FIGN: variants seen among roughly 807,000 people sequenced by gnomAD.
FIGN encodes the protein fidgetin, microtubule severing factor, also known as fidgetin.
In FIGN, 11 loss-of-function variants were observed where a neutral mutation model predicts 51.3. The observed-to-expected ratio is 0.21, with a 90% CI of 0.13 to 0.35. The LOEUF (loss-of-function observed/expected upper bound fraction) is 0.35, where lower values mean the gene tolerates loss of function less well. Among genes scored for constraint, FIGN ranks in the 10% least tolerant of loss-of-function variants. The pLI is 1.00. For missense variants in FIGN, 857 were observed against 943.6 expected, an observed-to-expected ratio of 0.91 and a Z score of 1.20; for synonymous variants, 407 against 363.2, an observed-to-expected ratio of 1.12 and a Z score of -1.37.
chr2:163,684,728 A>T (rs2105341256), intron 2 of FIGN, among the ~76,000 whole-genome samples: 1 of 152,274 alleles, frequency 6.6e-6, no homozygotes, highest in East Asian at 1.9e-4. Flanking sequence ...TACTTTTATT[A>T]GAGCTATGAA....
intron 2 of FIGN, among the ~76,000 whole-genome samples, chr2:163,678,398 T>C (rs1427863693): frequency 6.6e-6 from 1 of 152,074 alleles, no homozygotes; most frequent in Non-Finnish European, 1.5e-5. Context: ...TTTTTGTATT[T>C]TTAGTAGAGA....
chr2:163,640,588 A>G (rs1056287996), intron 2 of FIGN, among the ~76,000 whole-genome samples: 2 of 152,348 alleles, frequency 1.3e-5, no homozygotes, highest in Admixed American at 1.3e-4. Context: ...TCATTTGTCT[A>G]GAAGCAGAGT....
chr2:163,667,679 T>C (rs1282789892), intron 2 of FIGN, among the ~76,000 whole-genome samples: 1 of 152,208 alleles, frequency 6.6e-6, no homozygotes, highest in Non-Finnish European at 1.5e-5. Flanking sequence ...AATAATTCAT[T>C]CCTCTACTGG....
At position 163,609,842 on chromosome 2, in the gene FIGN, G is replaced by A. The variant is rs752320617; in HGVS notation, c.1990C>T (p.Gln664Ter). ...DSTARHQIIV[Q>*]LLSQHNYCLN... ...CAGTAATTGTGCTGTGAGAGCAGTT[G>A]TACTATTATCTGGTGCCTCGCTGTG... The change falls in exon 3 of 3, where the codon CAA (glutamine) becomes TAA (stop). Residue 664 changes from glutamine to a stop codon, truncating the protein, a stop_gained. Transcript: ENST00000333129. LOFTEE classifies it high-confidence loss of function. The A allele has an allele frequency of 6.2e-7, 1 of 1,614,154 alleles. No homozygotes were observed. Among genetic ancestry groups the A allele is most frequent in the African/African-American group, 1.3e-5 (1 of 75,046 alleles).
intron 2 of FIGN, among the ~76,000 whole-genome samples, chr2:163,679,620 G>A (rs1473124219): frequency 6.6e-6 from 1 of 152,178 alleles, no homozygotes; most frequent in African/African-American, 2.4e-5. Flanking sequence ...TATAATAGTT[G>A]GATTTCTTAA....
At chr2:163,620,384 G>A in intron 2 of FIGN, among the ~76,000 whole-genome samples, 1 of 152,088 alleles carries the variant, frequency 6.6e-6, no homozygotes, top group East Asian at 1.9e-4. Flanking sequence ...AGGGACTGCA[G>A]TGGCTAATGA....
chr2:163,669,137 A>T (rs1573939174), intron 2 of FIGN, among the ~76,000 whole-genome samples: 1 of 151,874 alleles, frequency 6.6e-6, no homozygotes, highest in African/African-American at 2.4e-5. Flanking sequence ...ACTGAAAAAA[A>T]GTTGGCCCCC....
intron 2 of FIGN, among the ~76,000 whole-genome samples, chr2:163,674,102 C>T (rs992256566): frequency 5.9e-5 from 9 of 152,294 alleles, no homozygotes; most frequent in Non-Finnish European, 1.0e-4. Flanking sequence ...TCTCACTTCT[C>T]TCTCAGTACT....
chr2:163,668,738 A>C (rs1485618474), intron 2 of FIGN, among the ~76,000 whole-genome samples: 1 of 152,054 alleles, frequency 6.6e-6, no homozygotes, highest in Non-Finnish European at 1.5e-5. Context: ...CAGGAGATTG[A>C]GACCATCCTG....
At chr2:163,631,620 G>A (rs970856265) in intron 2 of FIGN, among the ~76,000 whole-genome samples, 8 of 151,520 alleles carry the variant, frequency 5.3e-5, no homozygotes, top group African/African-American at 9.7e-5. Flanking sequence ...ACCATTTTCC[G>A]TATCACTTTG....
In FIGN at chr2:163,611,176, A is replaced by G. The variant is rs1691247846; in HGVS notation, c.656T>C (p.Leu219Pro). 6.2e-7 allele frequency: 1 copy of G among 1,614,118 alleles called. No homozygotes were observed. Among genetic ancestry groups the G allele is most frequent in the Non-Finnish European group, 8.5e-7 (1 of 1,180,014 alleles). Residue 219 changes from leucine (L) to proline (P), a missense_variant, in exon 3 of 3, where the codon CTA (leucine) becomes CCA (proline). This residue lies in a region of FIGN where 799 missense variants were observed against 849.5 expected (regional missense o/e 0.94). Coordinates refer to ENST00000333129, the MANE Select transcript of FIGN (RefSeq NM_018086.4). ...AGGAGGTGGTGGTGGGGGCTGTAGT[A>G]GCCCAGAGCTATGCAAAGGAGACGG... The part of the protein sequence containing the change: ...PHPSPLHSSG[L>P]LQPPPPPPPP...
Position 163,676,464 on chromosome 2 carries a change from TATATATATATATATATATAA to T in FIGN, c.25+58419_25+58438del, listed in dbSNP as rs1435902950. ...ATATATATATATATATATATATATA[TATATATATATATATATATAA>T]CTAGAGTCTGTGCACCCGAATCTGA... On this transcript the variant is annotated intron_variant, in intron 2 of 2. Transcript: ENST00000333129. Among the ~76,000 whole-genome samples, 144 of 104,794 alleles carry T rather than the reference TATATATATATATATATATAA, an allele frequency of 1.4e-3. 3 individuals are homozygous for T. In the Middle Eastern group the frequency reaches 0.024, roughly 17 times the overall value. The allele number at this position is 104,794 out of a possible 152,430, so 68.7% of individuals were successfully genotyped here.
chr2:163,643,856 C>T lies in FIGN; in HGVS notation c.26-32050G>A, dbSNP rs942753342. Among the ~76,000 whole-genome samples, 12 of 134,918 alleles carry T rather than the reference C, an allele frequency of 8.9e-5. 1 individual carries two copies. Among genetic ancestry groups the T allele is most frequent in the South Asian group, 7.3e-4 (3 of 4,092 alleles). 88.5% of individuals were successfully genotyped at this position (134,918 alleles called of 152,430 possible). A position where few individuals can be genotyped will look rare whatever the true frequency, so the allele number is the denominator to read the frequency against. ...CTGAGGCAGGACAATCGCTTGAAGC[C>T]GGGAGGCAGAGGTTGCAGTGAGCTG... On this transcript the variant is annotated intron_variant, in intron 2 of 2. Coordinates refer to ENST00000333129, the MANE Select transcript of FIGN (RefSeq NM_018086.4).
chr2:163,727,932 A>G (rs1455879031), intron 2 of FIGN, among the ~76,000 whole-genome samples: 1 of 152,216 alleles, frequency 6.6e-6, no homozygotes, highest in Non-Finnish European at 1.5e-5. Context: ...TCAGCACAGA[A>G]CGTTGGTAAA....
intron 2 of FIGN, among the ~76,000 whole-genome samples, chr2:163,618,982 A>G (rs1158435609): frequency 1.3e-5 from 2 of 152,150 alleles, no homozygotes; most frequent in Non-Finnish European, 2.9e-5. Context: ...GTGGGAAATA[A>G]TTGATAACTT....
chr2:163,610,714 G>A lies in FIGN; in HGVS notation c.1118C>T (p.Ser373Phe), dbSNP rs1054122780. The A allele has an allele frequency of 1.2e-6, 2 of 1,614,178 alleles. No homozygotes were observed. The highest frequency in any genetic ancestry group is 2.7e-5 in the African/African-American group (2 of 75,056). ...NGFDRSAETS[S>F]LAFKPTKQLM... ...CTGCTTCGTTGGCTTAAATGCTAAG[G>A]ATGATGTTTCAGCACTTCTGTCAAA... is the stretch of plus-strand genomic sequence containing the variant. Residue 373 changes from serine (S) to phenylalanine (F), a missense_variant, in exon 3 of 3, where the codon TCC (serine) becomes TTC (phenylalanine). Ser to Phe is a radical substitution (Grantham distance 155). Around this residue, in one of 3 missense-constraint regions of FIGN, gnomAD observed 799 missense variants for 849.5 expected, o/e 0.94. Transcript: ENST00000333129.
At chr2:163,661,186 A>AT (rs912881782) in intron 2 of FIGN, among the ~76,000 whole-genome samples, 12 of 150,298 alleles carry the variant, frequency 8.0e-5, no homozygotes, top group East Asian at 5.9e-4. Flanking sequence ...GCCTGGCTAG[A>AT]TTTTTTTAAA....
At chr2:163,704,935 G>A (rs747973626) in intron 2 of FIGN, among the ~76,000 whole-genome samples, 18 of 152,016 alleles carry the variant, frequency 1.2e-4, no homozygotes, top group Non-Finnish European at 2.5e-4. Flanking sequence ...CCTCCAGTGA[G>A]TACACAAGAG....
chr2:163,643,005 A>G (rs1561609), intron 2 of FIGN, among the ~76,000 whole-genome samples: 131,920 of 151,876 alleles, frequency 0.87, 57,416 homozygotes, highest in Middle Eastern at 0.92. Context: ...CAGAATCCCA[A>G]ATTACTTATT....
Sources: allele counts gnomAD v4.1 joint callset (sites outside exome capture counted in the v4.1 genomes callset), GRCh38; gene constraint gnomAD v4.1.1; regional missense constraint gnomAD v4.1.1; transcripts MANE v1.5; gene names NCBI Gene and HGNC (gene_info 2026-07-23, HGNC 2026-07-21).